ASAP2: variants seen among roughly 807,000 people sequenced by gnomAD.
The protein encoded by ASAP2 is arf-GAP with SH3 domain, ANK repeat and PH domain-containing protein 2.
Under a neutral mutation model 131.4 loss-of-function variants are expected in ASAP2, and 45 were observed. That is an observed-to-expected ratio of 0.34 (90% CI 0.27 to 0.44). ASAP2 has a LOEUF of 0.44. ASAP2 is among the 20% of genes least tolerant of loss of function. The pLI, the probability that ASAP2 is intolerant of heterozygous loss-of-function variation, is 1.00. For missense variants in ASAP2, 1,011 were observed against 1,297.0 expected, an observed-to-expected ratio of 0.78 and a Z score of 3.39; for synonymous variants, 510 against 503.0, an observed-to-expected ratio of 1.01 and a Z score of -0.19.
intron 5 of ASAP2, 62 bp downstream of exon 5, chr2:9,320,399 C>T: frequency 8.1e-7 from 1 of 1,229,548 alleles, no homozygotes; most frequent in Non-Finnish European, 1.2e-6. Flanking sequence ...TTAAACCAAC[C>T]TCGTATTGCT....
chr2:9,221,698 T>G (rs1325430122), intron 1 of ASAP2, among the ~76,000 whole-genome samples: 1 of 152,242 alleles, frequency 6.6e-6, no homozygotes, highest in Non-Finnish European at 1.5e-5. Context: ...GTTTTGTGTA[T>G]TTGTATGTGT....
At chr2:9,357,801 T>C (rs534072196) in intron 14 of ASAP2, among the ~76,000 whole-genome samples, 2 of 152,322 alleles carry the variant, frequency 1.3e-5, no homozygotes, top group Non-Finnish European at 2.9e-5. Flanking sequence ...TTTAATAACT[T>C]GAACATTTAA....
intron 24 of ASAP2, 120 bp downstream of exon 24, chr2:9,393,767 A>T (rs1675908151): frequency 9.1e-7 from 1 of 1,095,056 alleles, no homozygotes; most frequent in Non-Finnish European, 1.3e-6. Context: ...GCGCCACATA[A>T]CTAATTCATC....
intron 15 of ASAP2, among the ~76,000 whole-genome samples, chr2:9,364,957 C>CA (rs1426415351): frequency 6.6e-6 from 1 of 152,192 alleles, no homozygotes; most frequent in Non-Finnish European, 1.5e-5. Flanking sequence ...TTCCAACTAT[C>CA]AGACTCCAGA....
At chr2:9,317,419 C>T (rs1669805782) in intron 3 of ASAP2, among the ~76,000 whole-genome samples, 1 of 108,500 alleles carries the variant, frequency 9.2e-6, no homozygotes, top group Admixed American at 1.1e-4. Context: ...CATGCTCCCT[C>T]ACACACCTAC....
intron 1 of ASAP2, among the ~76,000 whole-genome samples, chr2:9,266,534 G>A (rs955954847): frequency 6.6e-6 from 1 of 152,078 alleles, no homozygotes; most frequent in Non-Finnish European, 1.5e-5. Flanking sequence ...ATGTACACAG[G>A]CCAGCTTCCC....
At chr2:9,294,446 TACCAAGGGCTGGAGG>T (rs1481757768) in intron 2 of ASAP2, among the ~76,000 whole-genome samples, 2 of 152,160 alleles carry the variant, frequency 1.3e-5, no homozygotes, top group South Asian at 2.1e-4. Flanking sequence ...TCCTCTCTCC[TACCAAGGGCTGGAGG>T]ACCAAGGGCT....
rs1339504116 is a variant in ASAP2, at chr2:9,388,558, T to TC, written c.2383+14dup. On this transcript the variant is annotated intron_variant, in intron 22 of 27. Coordinates refer to ENST00000281419, the MANE Select transcript of ASAP2 (RefSeq NM_003887.3). ...GAATGTTGGCAAAGGTATGAAGCTG[T>TC]CCGTCATCCCTGTGAATATATAGAG... 4.4e-6 allele frequency: 7 copies of TC among 1,608,950 alleles called. No homozygotes were observed. The highest frequency in any genetic ancestry group is 5.9e-6 in the Non-Finnish European group (7 of 1,178,446).
At position 9,331,068 on chromosome 2, in the gene ASAP2, A is replaced by G. The variant is rs549549559; in HGVS notation, c.686+3157A>G. The stretch of plus-strand genomic sequence containing the variant: ...GTTTCCACGTGTGGGAGCGCCTCTC[A>G]TTCCCCCACCACACACGCCCAGTTT... On this transcript the variant is annotated intron_variant, in intron 7 of 27. Transcript: ENST00000281419. 6.6e-5 allele frequency among the ~76,000 whole-genome samples: 10 copies of G among 152,310 alleles called. No homozygotes were observed. The East Asian group carries it at 1.5e-3, about 24-fold the overall frequency.
At chr2:9,401,201 G>A (rs963192072) in intron 26 of ASAP2, 73 bp from the exon 27 acceptor site, 228 of 1,581,852 alleles carry the variant, frequency 1.4e-4, no homozygotes, top group Non-Finnish European at 1.9e-4. Context: ...GGGGAAGGCA[G>A]GGTGCTTGAG....
chr2:9,237,316 G>A (rs1663622130), intron 1 of ASAP2, among the ~76,000 whole-genome samples: 1 of 151,936 alleles, frequency 6.6e-6, no homozygotes, highest in African/African-American at 2.4e-5. Context: ...CATTTACATT[G>A]TGACTTTTAG....
intron 1 of ASAP2, among the ~76,000 whole-genome samples, chr2:9,264,023 C>G (rs1345357026): frequency 6.6e-6 from 1 of 151,928 alleles, no homozygotes; most frequent in Non-Finnish European, 1.5e-5. Context: ...GAAACCTCAT[C>G]TTTACTAAAA....
chr2:9,362,593 C>T (rs1304224001), intron 15 of ASAP2, among the ~76,000 whole-genome samples: 1 of 152,104 alleles, frequency 6.6e-6, no homozygotes, highest in Non-Finnish European at 1.5e-5. Context: ...AATCCCAGTA[C>T]TTTGGGAGGC....
At chr2:9,320,832 A>C (rs1670105057) in intron 5 of ASAP2, among the ~76,000 whole-genome samples, 1 of 152,212 alleles carries the variant, frequency 6.6e-6, no homozygotes, top group South Asian at 2.1e-4. Context: ...AATAACCTGA[A>C]GAATGGAGAA....
rs1671119187 is a variant in ASAP2 at position 9,335,188 on chromosome 2, A to T, written c.849+9A>T. 1.2e-6 allele frequency: 2 copies of T among 1,613,148 alleles called. No individual in the cohort carries two copies. Among genetic ancestry groups the T allele is most frequent in the African/African-American group, 1.3e-5 (1 of 74,972 alleles). On this transcript the variant is annotated intron_variant, in intron 9 of 27. Transcript: ENST00000281419. ...AGGTTGAACAGAAAGAGGTGAGGGG[A>T]TTTAATTTTGAAAGATTGCAGTTTT... is the stretch of plus-strand genomic sequence containing the variant.
chr2:9,299,299 ATGG>A (rs1553307400), intron 3 of ASAP2, among the ~76,000 whole-genome samples: 5 of 152,140 alleles, frequency 3.3e-5, no homozygotes, highest in Non-Finnish European at 7.3e-5. Context: ...CAGAATCAGA[ATGG>A]TGGTGAACTT....
At chr2:9,295,125 T>C (rs1479328067) in intron 2 of ASAP2, among the ~76,000 whole-genome samples, 1 of 152,228 alleles carries the variant, frequency 6.6e-6, no homozygotes, top group Non-Finnish European at 1.5e-5. Flanking sequence ...GATCCATCTG[T>C]GAAACTGGAT....
At chr2:9,292,909 A>C (rs886866701) in intron 2 of ASAP2, among the ~76,000 whole-genome samples, 6 of 152,210 alleles carry the variant, frequency 3.9e-5, no homozygotes, top group African/African-American at 1.4e-4. Context: ...GGGGACGCCC[A>C]TCCTCTGGCA....
chr2:9,328,540 A>G (rs1006987049), intron 7 of ASAP2, among the ~76,000 whole-genome samples: 10 of 152,236 alleles, frequency 6.6e-5, no homozygotes, highest in Non-Finnish European at 1.0e-4. Flanking sequence ...ACACTTTTAT[A>G]TATTATCCTG....
Sources: gnomAD v4.1 joint callset for allele counts (sites outside exome capture counted in the v4.1 genomes callset) on GRCh38, gnomAD v4.1.1 for gene constraint, MANE v1.5 for transcripts, NCBI Gene and HGNC (gene_info 2026-07-23, HGNC 2026-07-21) for gene names.